SLIT2: variants seen among roughly 807,000 people sequenced by gnomAD.
SLIT2 encodes slit guidance ligand 2.
Under a neutral mutation model 185.7 loss-of-function variants are expected in SLIT2, and 41 were observed. The ratio of observed to expected loss-of-function variants is 0.22; its 90% CI spans 0.17 to 0.29. SLIT2 has a LOEUF of 0.29. Among genes scored for constraint, SLIT2 ranks in the 10% least tolerant of loss-of-function variants. The pLI, the probability that SLIT2 is intolerant of heterozygous loss-of-function variation, is 1.00. For missense variants in SLIT2, 1,571 were observed against 1,909.0 expected, an observed-to-expected ratio of 0.82 and a Z score of 3.30; for synonymous variants, 693 against 680.2, an observed-to-expected ratio of 1.02 and a Z score of -0.29.
In SLIT2 at chr4:20,456,452, T is replaced by G. The variant is rs79408702; in HGVS notation, c.396-11300T>G. Among the ~76,000 whole-genome samples, 1,231 of 152,218 alleles carry G rather than the reference T, an allele frequency of 8.1e-3. 25 individuals are homozygous for G. The highest frequency in any genetic ancestry group is 0.027 in the African/African-American group (1,140 of 41,552). ...AGAGCCAGCTTAATGCCCTCCTCTT[T>G]GAAAAGCACTTCCTGATTTGCATGC... On this transcript the variant is annotated intron_variant, in intron 4 of 36. Transcript: ENST00000504154.
intron 4 of SLIT2, among the ~76,000 whole-genome samples, chr4:20,338,044 G>A (rs1720651927): frequency 2.0e-5 from 3 of 152,162 alleles, no homozygotes; most frequent in Non-Finnish European, 1.5e-5. Flanking sequence ...GAAAAGGGAT[G>A]TTCATTTTTG....
chr4:20,259,578 A>T (rs1260555872), intron 3 of SLIT2, among the ~76,000 whole-genome samples: 1 of 151,794 alleles, frequency 6.6e-6, no homozygotes, highest in African/African-American at 2.4e-5. Flanking sequence ...TTTTCAAGTC[A>T]CTTCAGAGTG....
chr4:20,322,179 G>A lies in SLIT2; in HGVS notation c.395+53298G>A, dbSNP rs115339194. Among the ~76,000 whole-genome samples, 327 of 152,202 alleles carry A rather than the reference G, an allele frequency of 2.1e-3. 2 individuals are homozygous for A. Among genetic ancestry groups the A allele is most frequent in the African/African-American group, 7.6e-3 (314 of 41,504 alleles). ...ATGTGAACCTCCAAATCTCAGACAG[G>A]TTTCAGTCAATTTAAGAAGTGTATT... On this transcript the variant is annotated intron_variant, in intron 4 of 36. Transcript: ENST00000504154.
rs1287201911 is a variant in SLIT2 at position 20,550,827 on chromosome 4, T to C, written c.2490T>C (p.Leu830=). Residue 830 remains leucine (L), a splice_region_variant and synonymous_variant, in exon 25 of 37, where the codon CTT becomes CTC. Coordinates refer to ENST00000504154, the MANE Select transcript of SLIT2 (RefSeq NM_004787.4). ...TFDGLKSLRL[L]SLHGNDISVV... is the part of the protein sequence containing the mutation. ...TAATTTTTCTTTTTCTTTCTTTTAG[T>C]TCTCTACATGGAAATGACATTTCTG... 1 of 1,596,332 alleles carries C rather than the reference T, an allele frequency of 6.3e-7. No individual in the cohort carries two copies.
intron 4 of SLIT2, among the ~76,000 whole-genome samples, chr4:20,280,081 C>A (rs1005183074): frequency 6.6e-6 from 1 of 152,108 alleles, no homozygotes. Flanking sequence ...TGCCTGTAAT[C>A]CCAGCACTTT....
intron 4 of SLIT2, among the ~76,000 whole-genome samples, chr4:20,379,582 T>C (rs956987551): frequency 1.3e-5 from 2 of 152,152 alleles, no homozygotes; most frequent in African/African-American, 4.8e-5. Context: ...TGTGAATGTG[T>C]GTTCTTTACT....
At position 20,580,410 on chromosome 4, in the gene SLIT2, CGTGTGTGT is replaced by C. The variant is rs58904041; in HGVS notation, c.3089-9215_3089-9208del. On this transcript the variant is annotated intron_variant, in intron 29 of 36. Transcript: ENST00000504154. ...AATGATAGTATATATATATATTATA[CGTGTGTGT>C]GTGTGTGTGTGTGTGTGTATGCACA... 7.3e-3 allele frequency among the ~76,000 whole-genome samples: 1,087 copies of C among 148,760 alleles called. 11 individuals carry two copies. Among genetic ancestry groups the C allele is most frequent in the African/African-American group, 0.025 (1,024 of 40,418 alleles).
intron 1 of SLIT2, among the ~76,000 whole-genome samples, chr4:20,255,554 A>G (rs1209096279): frequency 6.6e-6 from 1 of 152,156 alleles, no homozygotes; most frequent in Non-Finnish European, 1.5e-5. Flanking sequence ...GGTTGAGTAG[A>G]AAGGAAGAGA....
intron 16 of SLIT2, among the ~76,000 whole-genome samples, chr4:20,529,357 G>A (rs1248695932): frequency 6.6e-6 from 1 of 151,972 alleles, no homozygotes; most frequent in Non-Finnish European, 1.5e-5. Context: ...TAATAACAAT[G>A]GTATTTATTT....
intron 29 of SLIT2, among the ~76,000 whole-genome samples, chr4:20,571,489 T>C (rs1418071852): frequency 6.6e-6 from 1 of 152,186 alleles, no homozygotes; most frequent in African/African-American, 2.4e-5. Context: ...TTACAAAATT[T>C]CTAACAACCA....
At chr4:20,510,969 G>T in intron 10 of SLIT2, 97 bp from the exon 11 acceptor site, 1 of 755,130 alleles carries the variant, frequency 1.3e-6, no homozygotes, top group South Asian at 1.6e-5. Context: ...GTCTTGATAA[G>T]TACAAAACCA....
intron 4 of SLIT2, among the ~76,000 whole-genome samples, chr4:20,336,081 C>T (rs1442932361): frequency 6.6e-6 from 1 of 152,104 alleles, no homozygotes; most frequent in Non-Finnish European, 1.5e-5. Flanking sequence ...GTGTAACTTT[C>T]CATTCCATGA....
At chr4:20,511,817 G>A (rs1719784542) in intron 11 of SLIT2, among the ~76,000 whole-genome samples, 1 of 151,618 alleles carries the variant, frequency 6.6e-6, no homozygotes, top group Non-Finnish European at 1.5e-5. Context: ...CCTTTGAAAT[G>A]CTAGGCAAAA....
chr4:20,467,350 A>G (rs1714473162), intron 4 of SLIT2, among the ~76,000 whole-genome samples: 1 of 152,144 alleles, frequency 6.6e-6, no homozygotes, highest in African/African-American at 2.4e-5. Flanking sequence ...GCTTTCCTAT[A>G]TACTTTATAA....
At chr4:20,595,896 A>G (rs1172623032) in intron 31 of SLIT2, 62 bp downstream of exon 31, 58 of 1,343,824 alleles carry the variant, frequency 4.3e-5, no homozygotes, top group Non-Finnish European at 6.0e-5. Context: ...GGGTGACTAT[A>G]GTCAGTAATA....
chr4:20,566,281 ATAAT>A (rs1725086414), intron 26 of SLIT2, among the ~76,000 whole-genome samples: 1 of 152,098 alleles, frequency 6.6e-6, no homozygotes, highest in Admixed American at 6.6e-5. Flanking sequence ...AGAGTGAAAT[ATAAT>A]TAATGTTGAC....
chr4:20,367,411 T>C, intron 4 of SLIT2, among the ~76,000 whole-genome samples: 1 of 152,162 alleles, frequency 6.6e-6, no homozygotes. Flanking sequence ...CATATAAAAC[T>C]AATAGTGTGT....
In SLIT2 at chr4:20,254,948, G is replaced by A. The variant is rs750219146; in HGVS notation, c.179+954G>A. 6.6e-6 allele frequency: 3 copies of A among 456,180 alleles called. No homozygotes were observed. The highest frequency in any genetic ancestry group is 2.0e-5 in the African/African-American group (1 of 50,078). 28.3% of individuals were successfully genotyped at this position (456,180 alleles called of 1,614,324 possible). A position where few individuals can be genotyped will look rare whatever the true frequency, so the allele number is the denominator to read the frequency against. On this transcript the variant is annotated intron_variant, in intron 1 of 36. Coordinates refer to ENST00000504154, the MANE Select transcript of SLIT2 (RefSeq NM_004787.4). This position sits in a 1 kb window ranked among gnomAD's most constrained non-coding sequence, Gnocchi z 5.1. ...GCGAGTCTCTAATGAAGAAGTAAAT[G>A]CAGACCCGGTGTTGACGGCCCACGC... is the stretch of plus-strand genomic sequence containing the variant.
At position 20,486,192 on chromosome 4, in the gene SLIT2, T is replaced by C. The variant is rs374104908; in HGVS notation, c.540-8T>C. ...TAAAAATTCTAACTTTTCTTTTTAATTCTACAGCACTCTCAACAATAACAA... is the reference window on the plus strand; with the variant it reads ...TAAAAATTCTAACTTTTCTTTTTAACTCTACAGCACTCTCAACAATAACAA... On this transcript the variant is annotated splice_region_variant and splice_polypyrimidine_tract_variant and intron_variant, in intron 6 of 36. Transcript: ENST00000504154. The C allele has an allele frequency of 1.9e-6, 3 of 1,570,994 alleles. No individual in the cohort carries two copies. Among genetic ancestry groups the C allele is most frequent in the African/African-American group, 2.7e-5 (2 of 74,112 alleles).
Sources: gnomAD v4.1 joint callset for allele counts (sites outside exome capture counted in the v4.1 genomes callset) on GRCh38, gnomAD v4.1.1 for gene constraint, Gnocchi (gnomAD v3.1) non-coding constraint, MANE v1.5 for transcripts, NCBI Gene and HGNC (gene_info 2026-07-23, HGNC 2026-07-21) for gene names.